The following FSTL4 variants were observed in gnomAD, a reference collection of about 807,000 sequenced individuals.
The protein encoded by FSTL4 is follistatin-related protein 4.
A neutral mutation model predicts 78.2 loss-of-function variants in FSTL4; 28 were observed. That is an observed-to-expected ratio of 0.36 (90% CI 0.27 to 0.49). FSTL4 has a LOEUF of 0.49. FSTL4 is among the 20% of genes least tolerant of loss of function. The probability of loss-of-function intolerance (pLI) is 0.98; values close to 1 mark genes in which losing one functional copy is unlikely to be tolerated. For missense variants in FSTL4, 922 were observed against 1,084.9 expected (o/e 0.85, Z 2.11); for synonymous variants, 422 against 440.5 (o/e 0.96, Z 0.53).
intron 4 of FSTL4, among the ~76,000 whole-genome samples, chr5:133,396,537 A>G (rs1367725890): frequency 6.6e-6 from 1 of 152,150 alleles, no homozygotes; most frequent in African/African-American, 2.4e-5. Flanking sequence ...TGGATCTCAC[A>G]CATCCCAGGA....
At chr5:133,273,166 A>G (rs771415025) in intron 6 of FSTL4, among the ~76,000 whole-genome samples, 6 of 152,248 alleles carry the variant, frequency 3.9e-5, no homozygotes, top group Non-Finnish European at 7.3e-5. Context: ...TGGCAATGCA[A>G]GCCACATATC....
chr5:133,545,656 C>A (rs1759559992), intron 3 of FSTL4, among the ~76,000 whole-genome samples: 1 of 152,200 alleles, frequency 6.6e-6, no homozygotes, highest in South Asian at 2.1e-4. Context: ...TACTGCTATA[C>A]AAATACCTGA....
At chr5:133,645,045 C>T in the FSTL4 span, among the ~76,000 whole-genome samples, 6 of 152,030 alleles carry the variant, frequency 3.9e-5, no homozygotes, top group South Asian at 2.1e-4. Flanking sequence ...AACTTCCCAC[C>T]GGAGACCTCA....
the FSTL4 span, among the ~76,000 whole-genome samples, chr5:133,793,288 G>T: frequency 6.6e-6 from 1 of 152,200 alleles, no homozygotes; most frequent in Admixed American, 6.5e-5. Context: ...TCATACAACT[G>T]CTCTCAGTCT....
intron 3 of FSTL4, among the ~76,000 whole-genome samples, chr5:133,498,901 G>A (rs1016518086): frequency 6.6e-6 from 1 of 152,004 alleles, no homozygotes. Context: ...AACTAGAGAT[G>A]GGAGTAGGAA....
intron 3 of FSTL4, among the ~76,000 whole-genome samples, chr5:133,420,705 G>GCTC (rs1375276644): frequency 6.6e-6 from 1 of 152,206 alleles, no homozygotes; most frequent in Non-Finnish European, 1.5e-5. Context: ...TTCTAACACA[G>GCTC]GAGAGGGTCA....
chr5:133,593,189 A>C (rs1760667547), intron 2 of FSTL4, among the ~76,000 whole-genome samples: 1 of 152,164 alleles, frequency 6.6e-6, no homozygotes, highest in Admixed American at 6.5e-5. Flanking sequence ...GAACCTCAAC[A>C]GCCCCTTTCT....
At chr5:133,733,462 A>C in the FSTL4 span, among the ~76,000 whole-genome samples, 8 of 152,226 alleles carry the variant, frequency 5.3e-5, no homozygotes, top group African/African-American at 1.9e-4. Context: ...ACTGAACCCA[A>C]ATCAAGGTTC....
chr5:133,637,364 A>G, the FSTL4 span, among the ~76,000 whole-genome samples: 1 of 152,114 alleles, frequency 6.6e-6, no homozygotes, highest in Non-Finnish European at 1.5e-5. Context: ...TTCAGTCCTC[A>G]TCTTATTTGG....
chr5:133,454,676 G>A (rs1757449442), intron 3 of FSTL4, among the ~76,000 whole-genome samples: 2 of 152,220 alleles, frequency 1.3e-5, no homozygotes, highest in Admixed American at 1.3e-4. Flanking sequence ...CGCGAGTCAC[G>A]ATGGCTGCCC....
chr5:133,398,508 C>T (rs969526481), intron 4 of FSTL4, among the ~76,000 whole-genome samples: 1 of 152,224 alleles, frequency 6.6e-6, no homozygotes, highest in Admixed American at 6.5e-5. Flanking sequence ...CCAGACAGAA[C>T]CCTTGCTCCT....
rs116225119 is a variant in FSTL4 at position 133,198,710 on chromosome 5, G to A, written c.*385C>T. On this transcript the variant is annotated 3_prime_UTR_variant, in exon 16 of 16. Coordinates refer to ENST00000265342, the MANE Select transcript of FSTL4 (RefSeq NM_015082.2). ...TCTGCTTCCGGGCCACTCCGTCAGG[G>A]CAAAGTCTGGCTGGGTCTGGCAGTA... 1,728 of 164,426 alleles carry A rather than the reference G, an allele frequency of 0.011. 35 individuals are homozygous for A. The highest frequency in any genetic ancestry group is 0.039 in the African/African-American group (1,650 of 42,100). 10.2% of individuals were successfully genotyped at this position (164,426 alleles called of 1,614,324 possible).
At chr5:133,809,990 T>C in the FSTL4 span, among the ~76,000 whole-genome samples, 1 of 152,212 alleles carries the variant, frequency 6.6e-6, no homozygotes, top group Non-Finnish European at 1.5e-5. Context: ...GATATAGACA[T>C]TCAATACACA....
chr5:133,663,900 C>T, the FSTL4 span, among the ~76,000 whole-genome samples: 1 of 152,178 alleles, frequency 6.6e-6, no homozygotes, highest in African/African-American at 2.4e-5. Flanking sequence ...TCTTCCAGTG[C>T]TTCTGTGAGA....
At chr5:133,283,068 A>G (rs1047258381) in intron 6 of FSTL4, among the ~76,000 whole-genome samples, 4 of 152,182 alleles carry the variant, frequency 2.6e-5, no homozygotes, top group African/African-American at 4.8e-5. Flanking sequence ...CAAAGTAAAC[A>G]TGCCATTGTT....
intron 1 of FSTL4, among the ~76,000 whole-genome samples, chr5:133,608,018 G>A (rs1034390060): frequency 6.6e-6 from 1 of 152,190 alleles, no homozygotes. Flanking sequence ...TCACTCTGGA[G>A]AAGTAAATCT....
At chr5:133,372,457 C>G (rs1755333740) in intron 4 of FSTL4, among the ~76,000 whole-genome samples, 1 of 152,112 alleles carries the variant, frequency 6.6e-6, no homozygotes, top group South Asian at 2.1e-4. Context: ...TGGGTCATGG[C>G]CCAAGGCTCC....
At chr5:133,547,242 C>G (rs1427194944) in intron 3 of FSTL4, among the ~76,000 whole-genome samples, 1 of 151,894 alleles carries the variant, frequency 6.6e-6, no homozygotes, top group Non-Finnish European at 1.5e-5. Flanking sequence ...CTGTCTGTCT[C>G]TCTCTCTCTC....
At chr5:133,816,675 C>T in the FSTL4 span, among the ~76,000 whole-genome samples, 64 of 152,286 alleles carry the variant, frequency 4.2e-4, no homozygotes, top group East Asian at 5.2e-3. Flanking sequence ...CCAAACCCCA[C>T]GAGTGTCATT....
Sources: gnomAD v4.1 joint callset for allele counts (sites outside exome capture counted in the v4.1 genomes callset) on GRCh38, gnomAD v4.1.1 for gene constraint, MANE v1.5 for transcripts, NCBI Gene and HGNC (gene_info 2026-07-23, HGNC 2026-07-21) for gene names.